The following XKR3 variants were observed in gnomAD, a reference collection of about 807,000 sequenced individuals.
The protein encoded by XKR3 is XK related 3.
In XKR3, 27 loss-of-function variants were observed where a neutral mutation model predicts 40.3. The observed-to-expected ratio is 0.67, with a 90% CI of 0.49 to 0.92. XKR3 has a LOEUF of 0.92. Among genes scored for constraint, XKR3 ranks in the 40% least tolerant of loss-of-function variants. The pLI is 0.00. For synonymous variants in XKR3, 193 were observed against 195.4 expected (o/e 0.99, Z 0.10); for missense variants, 472 against 537.6 (o/e 0.88, Z 1.21).
intron 1 of XKR3, among the ~76,000 whole-genome samples, chr22:16,820,338 G>A (rs779158682): frequency 6.6e-5 from 10 of 152,168 alleles, no homozygotes; most frequent in South Asian, 2.1e-4. Context: ...GGTATAATTG[G>A]AAGAATCCCA....
intron 2 of XKR3, among the ~76,000 whole-genome samples, chr22:16,801,553 T>C (rs986270532): frequency 1.3e-5 from 2 of 151,956 alleles, no homozygotes; most frequent in African/African-American, 2.4e-5. Flanking sequence ...AAAAAATAAA[T>C]ATATAAGTAA....
At chr22:16,819,060 T>C (rs1265172440) in intron 1 of XKR3, among the ~76,000 whole-genome samples, 1 of 151,958 alleles carries the variant, frequency 6.6e-6, no homozygotes, top group African/African-American at 2.4e-5. Context: ...AAAAATGTGA[T>C]ATGCTCTGAT....
At position 16,799,413 on chromosome 22, in the gene XKR3, C is replaced by CAAAAAAAAAAAAAAAAAAA. The variant is rs528071823; in HGVS notation, c.589+339_589+357dup. Among the ~76,000 whole-genome samples, 108 of 32,534 alleles carry CAAAAAAAAAAAAAAAAAAA rather than the reference C, an allele frequency of 3.3e-3. 5 individuals are homozygous for CAAAAAAAAAAAAAAAAAAA. The highest frequency in any genetic ancestry group is 5.0e-3 in the Admixed American group (11 of 2,200). 21.3% of individuals were successfully genotyped at this position (32,534 alleles called of 152,430 possible). A position where few individuals can be genotyped will look rare whatever the true frequency, so the allele number is the denominator to read the frequency against. ...TGGGCGACAAAGTGAGACTATGTCTCAAAAAAAAAAAAAAAAAAAAAGCAA... is the reference window on the plus strand; with the variant it reads ...TGGGCGACAAAGTGAGACTATGTCTCAAAAAAAAAAAAAAAAAAAAAAAAAAAAAAAAAAAAAAAAGCAA... On this transcript the variant is annotated intron_variant, in intron 3 of 3. Coordinates refer to ENST00000684488, the MANE Select transcript of XKR3 (RefSeq NM_001386955.1).
chr22:16,807,541 TA>T, intron 2 of XKR3, among the ~76,000 whole-genome samples, 197 bp downstream of exon 2: 2 of 152,312 alleles, frequency 1.3e-5, no homozygotes, highest in Middle Eastern at 3.4e-3. Flanking sequence ...TTTGCATTTT[TA>T]AAAAACTATC....
At chr22:16,790,964 C>T (rs1309675306) in intron 3 of XKR3, among the ~76,000 whole-genome samples, 1 of 150,528 alleles carries the variant, frequency 6.6e-6, no homozygotes, top group Non-Finnish European at 1.5e-5. Flanking sequence ...AATCACTAAA[C>T]CCATTTTACT....
chr22:16,788,316 T>G (rs2146141029), intron 3 of XKR3, among the ~76,000 whole-genome samples: 1 of 152,020 alleles, frequency 6.6e-6, no homozygotes, highest in East Asian at 1.9e-4. Flanking sequence ...GTTATGGCAA[T>G]AAATGTCTTC....
chr22:16,784,291 G>A lies in XKR3; in HGVS notation c.708C>T (p.Phe236=). 1 of 1,614,138 alleles carries A rather than the reference G, an allele frequency of 6.2e-7. No individual in the cohort carries two copies. Among genetic ancestry groups the A allele is most frequent in the Non-Finnish European group, 8.5e-7 (1 of 1,180,026 alleles). ...CCAAAAAACGCCACATCACGACACA[G>A]AAGAATTCTATCGGCGGTAGCTTAA... The part of the protein sequence containing the change: ...TTIKLPPIEF[F]CVVMWRFLEV... Residue 236 remains phenylalanine, a synonymous_variant, in exon 4 of 4, where the codon TTC becomes TTT. Coordinates refer to ENST00000684488, the MANE Select transcript of XKR3 (RefSeq NM_001386955.1).
chr22:16,791,956 G>C (rs1432290811), intron 3 of XKR3, among the ~76,000 whole-genome samples: 1 of 151,770 alleles, frequency 6.6e-6, no homozygotes, highest in East Asian at 1.9e-4. Flanking sequence ...GTTGTTGTTG[G>C]AGGGGATGGA....
At chr22:16,822,603 C>T (rs532027219) in intron 1 of XKR3, among the ~76,000 whole-genome samples, 41 of 152,138 alleles carry the variant, frequency 2.7e-4, no homozygotes, top group South Asian at 1.2e-3. Flanking sequence ...ACAATTACTA[C>T]GGAAGAGATG....
chr22:16,817,828 C>T (rs2060239939), intron 1 of XKR3, among the ~76,000 whole-genome samples: 1 of 151,734 alleles, frequency 6.6e-6, no homozygotes, highest in Non-Finnish European at 1.5e-5. Flanking sequence ...CTCACATTGC[C>T]CCAGAGAACT....
At chr22:16,790,763 A>G (rs1165986262) in intron 3 of XKR3, among the ~76,000 whole-genome samples, 1 of 152,186 alleles carries the variant, frequency 6.6e-6, no homozygotes, top group Non-Finnish European at 1.5e-5. Flanking sequence ...TAAAGAAAAT[A>G]GGTCTCTTAA....
intron 3 of XKR3, among the ~76,000 whole-genome samples, chr22:16,790,409 G>A (rs1601839952): frequency 1.3e-5 from 2 of 149,988 alleles, no homozygotes; most frequent in African/African-American, 4.9e-5. Context: ...ATCAGACAAG[G>A]GGTTAATTAA....
chr22:16,785,982 AT>A (rs1486927789), intron 3 of XKR3, among the ~76,000 whole-genome samples: 1 of 152,190 alleles, frequency 6.6e-6, no homozygotes, highest in Non-Finnish European at 1.5e-5. Flanking sequence ...TTCTAACACC[AT>A]TTAGAAAATG....
intron 2 of XKR3, among the ~76,000 whole-genome samples, chr22:16,801,686 C>CAAAAAAAAAAAAAAAA (rs71688132): frequency 8.2e-6 from 1 of 121,942 alleles, no homozygotes; most frequent in Non-Finnish European, 1.8e-5. Flanking sequence ...AAGCTATCAG[C>CAAAAAAAAAAAAAAAA]AAAAAAAAAA....
chr22:16,787,719 G>T (rs201379087), intron 3 of XKR3, among the ~76,000 whole-genome samples: 1 of 151,616 alleles, frequency 6.6e-6, no homozygotes, highest in African/African-American at 2.4e-5. Flanking sequence ...AAATAATATC[G>T]CCATGGCTTA....
At position 16,799,972 on chromosome 22, in the gene XKR3, C is replaced by T; in HGVS notation, c.388G>A (p.Glu130Lys). 1.2e-6 allele frequency: 2 copies of T among 1,614,098 alleles called. No homozygotes were observed. Among genetic ancestry groups the T allele is most frequent in the Non-Finnish European group, 8.5e-7 (1 of 1,179,992 alleles). Residue 130 changes from glutamate to lysine, a missense_variant, in exon 3 of 4, where the codon GAG becomes AAG. By Grantham distance (56) the Glu-to-Lys change is moderately conservative. Coordinates refer to ENST00000684488, the MANE Select transcript of XKR3 (RefSeq NM_001386955.1). ...YHKWLKNLKQ[E>K]KEETQVSITK... ...ATGCTAACTTGAGTCTCTTCCTTCT[C>T]CTGTTTAAGATTTTTCAACCATTTG...
At chr22:16,805,163 A>G (rs1426544333) in intron 2 of XKR3, among the ~76,000 whole-genome samples, 23 of 152,232 alleles carry the variant, frequency 1.5e-4, no homozygotes, top group Non-Finnish European at 3.1e-4. Flanking sequence ...TCAAGATGAC[A>G]TAATTTGTAT....
At chr22:16,814,645 A>C (rs2060225995) in intron 1 of XKR3, among the ~76,000 whole-genome samples, 1 of 152,144 alleles carries the variant, frequency 6.6e-6, no homozygotes, top group Non-Finnish European at 1.5e-5. Flanking sequence ...AATGTCTTTC[A>C]ACAATATTTT....
Position 16,799,413 on chromosome 22 carries a change from C to CAAAAAAAAAAAAAAAAAAAAAAAAAA in XKR3, c.589+357_589+358insTTTTTTTTTTTTTTTTTTTTTTTTTT, listed in dbSNP as rs528071823. On this transcript the variant is annotated intron_variant, in intron 3 of 3. Coordinates refer to ENST00000684488, the MANE Select transcript of XKR3 (RefSeq NM_001386955.1). ...TGGGCGACAAAGTGAGACTATGTCT[C>CAAAAAAAAAAAAAAAAAAAAAAAAAA]AAAAAAAAAAAAAAAAAAAAAGCAA... Among the ~76,000 whole-genome samples the CAAAAAAAAAAAAAAAAAAAAAAAAAA allele has an allele frequency of 1.3e-3, 41 of 32,534 alleles. 1 individual carries two copies. The highest frequency in any genetic ancestry group is 1.5e-3 in the African/African-American group (10 of 6,492). 21.3% of individuals were successfully genotyped at this position (32,534 alleles called of 152,430 possible).
Sources: allele counts gnomAD v4.1 joint callset (sites outside exome capture counted in the v4.1 genomes callset), GRCh38; gene constraint gnomAD v4.1.1; transcripts MANE v1.5; gene names NCBI Gene and HGNC (gene_info 2026-07-23, HGNC 2026-07-21).